Variants in CCDC83 observed in about 807,000 individuals in gnomAD.
The protein encoded by CCDC83 is coiled-coil domain containing 83.
CCDC83 carries 54 observed loss-of-function variants against 50.1 expected under a neutral mutation model. The observed-to-expected ratio is 1.08, with a 90% CI of 0.87 to 1.35. The LOEUF (loss-of-function observed/expected upper bound fraction) is 1.35. Among genes scored for constraint, CCDC83 ranks in the 40% most tolerant of loss-of-function variants. CCDC83 has a pLI of 0.00. For synonymous variants in CCDC83, 161 were observed against 153.3 expected, an observed-to-expected ratio of 1.05 and a Z score of -0.37; for missense variants, 518 against 473.9, an observed-to-expected ratio of 1.09 and a Z score of -0.86.
At chr11:85,895,264 C>CTTA (rs755186736) in intron 5 of CCDC83, 29 bp from the exon 6 acceptor site, 76 of 363,118 alleles carry the variant, frequency 2.1e-4, no homozygotes, top group African/African-American at 1.1e-3. Flanking sequence ...TTTTAATTTT[C>CTTA]TTTTTTTTTT....
At chr11:85,882,253 T>C (rs1423453104) in intron 3 of CCDC83, among the ~76,000 whole-genome samples, 2 of 152,330 alleles carry the variant, frequency 1.3e-5, no homozygotes, top group East Asian at 1.9e-4. Context: ...GAGTGATTTA[T>C]TGAAACCTGG....
intron 3 of CCDC83, among the ~76,000 whole-genome samples, chr11:85,878,008 T>C (rs2093278104): frequency 6.6e-6 from 1 of 152,192 alleles, no homozygotes; most frequent in Non-Finnish European, 1.5e-5. Context: ...AAAACATGAA[T>C]CTATTTCATT....
chr11:85,919,129 C>T (rs2093496654), intron 10 of CCDC83, among the ~76,000 whole-genome samples: 1 of 152,182 alleles, frequency 6.6e-6, no homozygotes, highest in Non-Finnish European at 1.5e-5. Context: ...AAGATCTTGC[C>T]TACTGTGTAT....
chr11:85,898,267 C>T (rs1360274399), intron 6 of CCDC83, among the ~76,000 whole-genome samples: 1 of 151,804 alleles, frequency 6.6e-6, no homozygotes. Context: ...TTCTTTTGAT[C>T]GTGCCCTTCA....
In CCDC83 at chr11:85,882,518, C is replaced by T. The variant is rs1443072570; in HGVS notation, c.186C>T (p.Ser62=). The change falls in exon 4 of 11, where the codon AGC becomes AGT. Residue 62 remains serine, a synonymous_variant. Transcript: ENST00000342404. ...ACTGTTGATTTTCATGACAGAATAG[C>T]CGCTTAAAAGAAGAACAGATTTGGC... ...KKNQKYHERN[S]RLKEEQIWHI... 1.2e-6 allele frequency: 2 copies of T among 1,613,100 alleles called. No individual in the cohort carries two copies. Among genetic ancestry groups the T allele is most frequent in the Non-Finnish European group, 1.7e-6 (2 of 1,179,524 alleles).
chr11:85,913,644 T>A (rs974850682), intron 8 of CCDC83, among the ~76,000 whole-genome samples: 2 of 152,230 alleles, frequency 1.3e-5, no homozygotes, highest in African/African-American at 4.8e-5. Flanking sequence ...AATGGGATAT[T>A]GTGGTTAATA....
chr11:85,881,742 G>A (rs2093301633), intron 3 of CCDC83, among the ~76,000 whole-genome samples: 2 of 152,092 alleles, frequency 1.3e-5, no homozygotes, highest in African/African-American at 4.8e-5. Flanking sequence ...TTCTAATTAG[G>A]TATGCCCTGT....
chr11:85,911,055 C>A (rs2093451011), intron 7 of CCDC83, among the ~76,000 whole-genome samples: 1 of 151,706 alleles, frequency 6.6e-6, no homozygotes, highest in South Asian at 2.1e-4. Context: ...CCTGTAATCC[C>A]AGCTACTCAG....
rs111550586 is a variant in CCDC83, at chr11:85,894,056, A to G, written c.512-1237A>G. On this transcript the variant is annotated intron_variant, in intron 5 of 10. Coordinates refer to ENST00000342404, the MANE Select transcript of CCDC83 (RefSeq NM_001286159.2). ...TATAATTATTTCATTATATATTACA[A>G]TGTAATAATAATAGAAATAAAGTGC... Among the ~76,000 whole-genome samples the G allele has an allele frequency of 7.0e-4, 107 of 152,276 alleles. 1 individual carries two copies. Among genetic ancestry groups the G allele is most frequent in the African/African-American group, 2.5e-3 (102 of 41,556 alleles).
chr11:85,910,983 C>G (rs904471908), intron 7 of CCDC83, among the ~76,000 whole-genome samples: 1 of 151,960 alleles, frequency 6.6e-6, no homozygotes, highest in Non-Finnish European at 1.5e-5. Context: ...ACCAGCCTGA[C>G]CAACATGGAG....
chr11:85,911,523 A>G lies in CCDC83; in HGVS notation c.794+121A>G, dbSNP rs571898796. On this transcript the variant is annotated intron_variant, in intron 8 of 10. Transcript: ENST00000342404. ...CAGTGCTCCAGCAGTAGTCAAAAAG[A>G]AAGGGACAAAAAAAATGCTCATGGT... is the stretch of plus-strand genomic sequence containing the variant. The G allele has an allele frequency of 8.5e-5, 65 of 763,704 alleles. No homozygotes were observed. In the South Asian group the frequency reaches 1.6e-3, roughly 19 times the overall value. 47.3% of individuals were successfully genotyped at this position (763,704 alleles called of 1,614,324 possible).
chr11:85,860,929 A>G (rs1048253149), intron 1 of CCDC83, among the ~76,000 whole-genome samples: 1 of 152,230 alleles, frequency 6.6e-6, no homozygotes, highest in African/African-American at 2.4e-5. Context: ...CAAGCTAAAC[A>G]TTGAATAAAC....
intron 3 of CCDC83, among the ~76,000 whole-genome samples, chr11:85,880,793 G>A (rs2093295386): frequency 6.6e-6 from 1 of 152,050 alleles, no homozygotes. Flanking sequence ...CCCCTTAACT[G>A]AAATTCTTGG....
intron 5 of CCDC83, among the ~76,000 whole-genome samples, chr11:85,893,767 A>G (rs959737382): frequency 6.6e-6 from 1 of 152,198 alleles, no homozygotes; most frequent in Non-Finnish European, 1.5e-5. Context: ...CATGCTCCTT[A>G]TAAGAATCTA....
intron 4 of CCDC83, among the ~76,000 whole-genome samples, chr11:85,884,860 A>G (rs1201873616): frequency 6.6e-6 from 1 of 152,198 alleles, no homozygotes; most frequent in Non-Finnish European, 1.5e-5. Context: ...TCTGGCTTAT[A>G]GTAGTACTGA....
chr11:85,895,349 T>C lies in CCDC83; in HGVS notation c.568T>C (p.Leu190=). Reference sequence around the variant, plus strand: ...AAAGAAAATAATCAAGGAAACTTTGTTGCAACTGGACCAAAAGAAGGAATG... The same window carrying C: ...AAAGAAAATAATCAAGGAAACTTTGCTGCAACTGGACCAAAAGAAGGAATG... ...TRKKIIKETL[L]QLDQKKEWAT... The change falls in exon 6 of 11, where the codon TTG becomes CTG. Residue 190 remains leucine, a synonymous_variant. Coordinates refer to ENST00000342404, the MANE Select transcript of CCDC83 (RefSeq NM_001286159.2). 1 of 1,584,760 alleles carries C rather than the reference T, an allele frequency of 6.3e-7. No homozygotes were observed. Among genetic ancestry groups the C allele is most frequent in the Non-Finnish European group, 8.6e-7 (1 of 1,161,328 alleles).
intron 8 of CCDC83, chr11:85,912,721 A>G: frequency 6.2e-7 from 1 of 1,608,970 alleles, no homozygotes; most frequent in Non-Finnish European, 8.5e-7. Context: ...AATCATGTCT[A>G]ATCTCTGCCA....
chr11:85,875,980 T>C (rs191551141), intron 3 of CCDC83, among the ~76,000 whole-genome samples: 144 of 152,368 alleles, frequency 9.5e-4, no homozygotes, highest in African/African-American at 3.2e-3. Context: ...GCAAAAGTTA[T>C]TAATGACCAA....
chr11:85,855,254 G>T (rs1488688485), upstream of CCDC83: 1 of 152,344 alleles, frequency 6.6e-6, no homozygotes, highest in African/African-American at 2.4e-5. Flanking sequence ...CTTGGCCCCC[G>T]ACTCCTTCCA....
Sources: gnomAD v4.1 joint callset for allele counts (sites outside exome capture counted in the v4.1 genomes callset) on GRCh38, gnomAD v4.1.1 for gene constraint, MANE v1.5 for transcripts, NCBI Gene and HGNC (gene_info 2026-07-23, HGNC 2026-07-21) for gene names.